IQCH: variants seen among roughly 807,000 people sequenced by gnomAD.
The protein encoded by IQCH is IQ domain-containing protein H.
A neutral mutation model predicts 117.0 loss-of-function variants in IQCH; 98 were observed. The observed-to-expected ratio is 0.84, with a 90% CI of 0.71 to 0.99. The LOEUF is 0.99. Among genes scored for constraint, IQCH ranks in the 50% least tolerant of loss-of-function variants. IQCH has a pLI of 0.00. For synonymous variants in IQCH, 412 were observed against 448.2 expected (o/e 0.92, Z 1.02); for missense variants, 1,102 against 1,243.8 (o/e 0.89, Z 1.72).
intron 16 of IQCH, among the ~76,000 whole-genome samples, chr15:67,437,924 A>G (rs2082176972): frequency 6.6e-6 from 1 of 152,194 alleles, no homozygotes; most frequent in African/African-American, 2.4e-5. Context: ...CCGGAGAATA[A>G]TCAGTGTTAC....
At chr15:67,337,700 TCCTAAGTGTAA>T (rs1266249028) in intron 5 of IQCH, among the ~76,000 whole-genome samples, 1 of 152,196 alleles carries the variant, frequency 6.6e-6, no homozygotes, top group African/African-American at 2.4e-5. Flanking sequence ...ATACTGAATG[TCCTAAGTGTAA>T]CCATCTCTAC....
intron 16 of IQCH, among the ~76,000 whole-genome samples, chr15:67,450,234 C>T (rs939925621): frequency 2.0e-5 from 3 of 152,260 alleles, no homozygotes; most frequent in Non-Finnish European, 2.9e-5. Context: ...TGCCTGATTG[C>T]CCTGGCCAGA....
intron 10 of IQCH, among the ~76,000 whole-genome samples, chr15:67,383,211 G>A (rs1970998164): frequency 6.6e-6 from 1 of 152,138 alleles, no homozygotes; most frequent in Non-Finnish European, 1.5e-5. Context: ...GTGTTTTCAT[G>A]TCTGTAACTG....
rs201394285 is a variant in IQCH at position 67,442,817 on chromosome 15, G to GAGATAGATAGATAGAT, written c.2505+21274_2505+21289dup. ...ATCAACAAGTGGATAAAGAAACTGTGAGATAGATAGATAGATAGATAGATA... is the reference window on the plus strand; with the variant it reads ...ATCAACAAGTGGATAAAGAAACTGTGAGATAGATAGATAGATAGATAGATAGATAGATAGATAGATA... On this transcript the variant is annotated intron_variant, in intron 16 of 20. Coordinates refer to ENST00000335894, the MANE Select transcript of IQCH (RefSeq NM_001031715.3). Among the ~76,000 whole-genome samples the GAGATAGATAGATAGAT allele has an allele frequency of 9.8e-4, 136 of 138,200 alleles. 1 individual carries two copies. The highest frequency in any genetic ancestry group is 3.0e-3 in the Admixed American group (40 of 13,552). The allele number at this position is 138,200 out of a possible 152,430, so 90.7% of individuals were successfully genotyped here.
At chr15:67,349,196 G>A (rs1310657220) in intron 6 of IQCH, among the ~76,000 whole-genome samples, 3 of 152,206 alleles carry the variant, frequency 2.0e-5, no homozygotes, top group African/African-American at 7.2e-5. Flanking sequence ...GTGTTCTTGA[G>A]TTAGGCAAAG....
Position 67,344,117 on chromosome 15 carries a change from T to C in IQCH, c.563T>C (p.Phe188Ser), listed in dbSNP as rs759084381. ...GLIPPTARITFQNPPITPRAA... is the reference protein window; with the variant it reads ...GLIPPTARITSQNPPITPRAA... ...ATTCCACCAACAGCAAGGATTACCT[T>C]TCAGAATCCACCCATTACACCCAGA... The change falls in exon 6 of 21, where the codon TTT (phenylalanine) becomes TCT (serine). Residue 188 changes from phenylalanine (F) to serine (S), a missense_variant. By Grantham distance (155) the Phe-to-Ser change is radical. Transcript: ENST00000335894. The C allele has an allele frequency of 1.9e-6, 3 of 1,613,322 alleles. No individual in the cohort carries two copies. The highest frequency in any genetic ancestry group is 3.3e-5 in the Admixed American group (2 of 59,982).
At position 67,496,815 on chromosome 15, in the gene IQCH, G is replaced by A. The variant is rs1022798424; in HGVS notation, c.2970+2449G>A. ...TGGTGGATCATGAGGTCAGGAGATC[G>A]AGACCATCCTGGCTAACAAGGTGAA... On this transcript the variant is annotated intron_variant, in intron 20 of 20. Coordinates refer to ENST00000335894, the MANE Select transcript of IQCH (RefSeq NM_001031715.3). This position sits in a 1 kb window ranked among gnomAD's most constrained non-coding sequence, Gnocchi z 4.4. Among the ~76,000 whole-genome samples, 3 of 151,218 alleles carry A rather than the reference G, an allele frequency of 2.0e-5. No homozygotes were observed. Among genetic ancestry groups the A allele is most frequent in the Admixed American group, 6.6e-5 (1 of 15,186 alleles).
intron 8 of IQCH, chr15:67,371,473 A>G (rs898936754): frequency 6.3e-7 from 1 of 1,576,588 alleles, no homozygotes; most frequent in Non-Finnish European, 8.6e-7. Context: ...TATGTTCCTA[A>G]GAAGAAACCA....
intron 6 of IQCH, among the ~76,000 whole-genome samples, chr15:67,353,484 C>T (rs1969757753): frequency 6.6e-6 from 1 of 151,832 alleles, no homozygotes; most frequent in South Asian, 2.1e-4. Flanking sequence ...CTCAGCCTCC[C>T]GAGTAGCTGG....
intron 16 of IQCH, among the ~76,000 whole-genome samples, chr15:67,452,342 T>C (rs2082548762): frequency 6.6e-6 from 1 of 152,216 alleles, no homozygotes; most frequent in African/African-American, 2.4e-5. Context: ...CGATTTGGCA[T>C]GTTTTTGCAG....
At chr15:67,399,708 G>C (rs565155004) in intron 13 of IQCH, among the ~76,000 whole-genome samples, 1 of 152,302 alleles carries the variant, frequency 6.6e-6, no homozygotes, top group South Asian at 2.1e-4. Context: ...AAGTTTTCAA[G>C]ACTGTAACTC....
intron 1 of IQCH, among the ~76,000 whole-genome samples, chr15:67,259,175 C>T (rs1363024872): frequency 6.6e-6 from 1 of 152,116 alleles, no homozygotes; most frequent in Non-Finnish European, 1.5e-5. Flanking sequence ...TATATTTTTA[C>T]TCATTTTATT....
chr15:67,375,240 A>T (rs546803090), intron 10 of IQCH, among the ~76,000 whole-genome samples: 1 of 152,256 alleles, frequency 6.6e-6, no homozygotes, highest in South Asian at 2.1e-4. Flanking sequence ...ACTAGGCTGA[A>T]CAACATAGTG....
chr15:67,474,067 A>AGTGTGTGT lies in IQCH; in HGVS notation c.2677-1599_2677-1592dup, dbSNP rs36050088. Among the ~76,000 whole-genome samples, 10,740 of 138,184 alleles carry AGTGTGTGT rather than the reference A, an allele frequency of 0.078. 459 individuals carry two copies. Among genetic ancestry groups the AGTGTGTGT allele is most frequent in the South Asian group, 0.15 (616 of 4,082 alleles). 90.7% of individuals were successfully genotyped at this position (138,184 alleles called of 152,430 possible). A position where few individuals can be genotyped will look rare whatever the true frequency, so the allele number is the denominator to read the frequency against. The stretch of plus-strand genomic sequence containing the variant: ...GTCACCAAAAGTGCCACGAAATCTG[A>AGTGTGTGT]GTGTGTGTGTGTGTGTGTGTGTGTG... On this transcript the variant is annotated intron_variant, in intron 17 of 20. Transcript: ENST00000335894. This position sits in a 1 kb window ranked among gnomAD's most constrained non-coding sequence, Gnocchi z 4.1.
chr15:67,457,062 T>A lies in IQCH; in HGVS notation c.2506-8065T>A, dbSNP rs1460526281. Among the ~76,000 whole-genome samples the A allele has an allele frequency of 2.6e-5, 4 of 152,166 alleles. No individual in the cohort carries two copies. Among genetic ancestry groups the A allele is most frequent in the Non-Finnish European group, 5.9e-5 (4 of 68,022 alleles). On this transcript the variant is annotated intron_variant, in intron 16 of 20. Coordinates refer to ENST00000335894, the MANE Select transcript of IQCH (RefSeq NM_001031715.3). This position sits in a 1 kb window ranked among gnomAD's most constrained non-coding sequence, Gnocchi z 5.7. ...ATTGCTGACCGGGGTGACTGCCCTGTACAGCGACAACTGCCGTTCTTCACT... is the reference window on the plus strand; with the variant it reads ...ATTGCTGACCGGGGTGACTGCCCTGAACAGCGACAACTGCCGTTCTTCACT...
chr15:67,304,533 G>A, intron 4 of IQCH: 1 of 652,954 alleles, frequency 1.5e-6, no homozygotes, highest in South Asian at 2.4e-5. Flanking sequence ...AAGATGTAAT[G>A]TAGATGTTAA....
intron 4 of IQCH, among the ~76,000 whole-genome samples, chr15:67,303,220 A>G (rs890812408): frequency 6.6e-6 from 1 of 152,150 alleles, no homozygotes; most frequent in Non-Finnish European, 1.5e-5. Flanking sequence ...TTTTTATGAA[A>G]TGTCCAGAAT....
At chr15:67,334,513 T>C (rs1211515366) in intron 4 of IQCH, among the ~76,000 whole-genome samples, 1 of 152,192 alleles carries the variant, frequency 6.6e-6, no homozygotes, top group African/African-American at 2.4e-5. Flanking sequence ...CCACCTGATA[T>C]AATTTAGTGC....
chr15:67,352,018 C>T (rs1211712664), intron 6 of IQCH, among the ~76,000 whole-genome samples: 1 of 151,916 alleles, frequency 6.6e-6, no homozygotes, highest in Non-Finnish European at 1.5e-5. Context: ...TCTGTTTGTG[C>T]CTTGCCCTGT....
Sources: allele counts gnomAD v4.1 joint callset (sites outside exome capture counted in the v4.1 genomes callset), GRCh38; gene constraint gnomAD v4.1.1; non-coding constraint Gnocchi (gnomAD v3.1); transcripts MANE v1.5; gene names NCBI Gene and HGNC (gene_info 2026-07-23, HGNC 2026-07-21).